PIGF: variants seen among roughly 807,000 people sequenced by gnomAD.
The protein encoded by PIGF is GPI ethanolamine phosphate transferase, stabilizing subunit.
A neutral mutation model predicts 26.0 loss-of-function variants in PIGF; 23 were observed. That is an observed-to-expected ratio of 0.88 (90% CI 0.64 to 1.25). The LOEUF (loss-of-function observed/expected upper bound fraction) is 1.25, where lower values mean the gene tolerates loss of function less well. Ranked by LOEUF, PIGF falls within the 50% of genes most tolerant of loss-of-function variation. The pLI is 0.00. For synonymous variants in PIGF, 93 were observed against 92.6 expected, an observed-to-expected ratio of 1.00 and a Z score of -0.03; for missense variants, 278 against 249.9, an observed-to-expected ratio of 1.11 and a Z score of -0.76.
intron 4 of PIGF, among the ~76,000 whole-genome samples, chr2:46,609,843 G>A (rs563389735): frequency 8.7e-4 from 132 of 152,150 alleles, no homozygotes; most frequent in African/African-American, 2.9e-3. Context: ...TAACAGCAAA[G>A]ACCACAGATC....
intron 4 of PIGF, among the ~76,000 whole-genome samples, chr2:46,598,528 GATTT>G (rs767432878): frequency 7.7e-4 from 71 of 92,582 alleles, no homozygotes; most frequent in Non-Finnish European, 1.1e-3. Context: ...AACATTATGA[GATTT>G]TTTTTTTTTT....
intron 5 of PIGF, 187 bp from the exon 6 acceptor site, chr2:46,581,778 A>G: frequency 1.3e-6 from 1 of 748,128 alleles, no homozygotes; most frequent in South Asian, 2.3e-5. Flanking sequence ...AATGTGCATT[A>G]AACTGTAACA....
intron 4 of PIGF, among the ~76,000 whole-genome samples, chr2:46,609,362 A>G (rs897024538): frequency 6.6e-6 from 1 of 152,200 alleles, no homozygotes; most frequent in African/African-American, 2.4e-5. Flanking sequence ...ACCTGGTTTG[A>G]TCTTTCATCC....
chr2:46,612,104 C>A, intron 4 of PIGF, 124 bp downstream of exon 4: 2 of 383,688 alleles, frequency 5.2e-6, no homozygotes, highest in Non-Finnish European at 4.7e-6. Context: ...CCCCTTAAGG[C>A]ATCTCTGAGC....
chr2:46,590,950 G>A (rs1215744662), intron 5 of PIGF, among the ~76,000 whole-genome samples: 1 of 152,140 alleles, frequency 6.6e-6, no homozygotes, highest in African/African-American at 2.4e-5. Flanking sequence ...AAAGAATAGA[G>A]CTAAATGTAG....
chr2:46,598,679 A>G (rs1026626118), intron 4 of PIGF, among the ~76,000 whole-genome samples: 3 of 151,990 alleles, frequency 2.0e-5, no homozygotes, highest in African/African-American at 7.3e-5. Context: ...GGCCATGGAG[A>G]GAAGAGTGGG....
intron 4 of PIGF, among the ~76,000 whole-genome samples, chr2:46,599,916 T>G (rs1456702972): frequency 6.6e-6 from 1 of 152,152 alleles, no homozygotes; most frequent in Non-Finnish European, 1.5e-5. Flanking sequence ...AGCCCCAATT[T>G]TCCCTGTCTT....
chr2:46,598,555 G>A (rs1282670851), intron 4 of PIGF, among the ~76,000 whole-genome samples: 1 of 43,500 alleles, frequency 2.3e-5, no homozygotes, highest in Non-Finnish European at 4.1e-5. Context: ...TTTTTTTTTA[G>A]CTCATCAGCT....
At chr2:46,586,040 C>T (rs1016844235) in intron 5 of PIGF, among the ~76,000 whole-genome samples, 7 of 152,158 alleles carry the variant, frequency 4.6e-5, no homozygotes, top group African/African-American at 1.7e-4. Context: ...TCCCAAAGTG[C>T]TGGGATTACA....
At chr2:46,616,910 T>G in intron 1 of PIGF, 60 bp downstream of exon 1, 2 of 393,684 alleles carry the variant, frequency 5.1e-6, no homozygotes, top group Non-Finnish European at 4.7e-6. Flanking sequence ...GCTTCGGCAA[T>G]TCGCGGGGGT....
intron 3 of PIGF, among the ~76,000 whole-genome samples, chr2:46,612,746 T>C (rs1395376478): frequency 1.3e-5 from 2 of 152,162 alleles, no homozygotes; most frequent in Non-Finnish European, 2.9e-5. Flanking sequence ...TTGTAGTGGT[T>C]CTCTACAACT....
chr2:46,603,837 C>T (rs925986142), intron 4 of PIGF, among the ~76,000 whole-genome samples: 2 of 151,876 alleles, frequency 1.3e-5, no homozygotes, highest in Non-Finnish European at 2.9e-5. Flanking sequence ...CACAGGCAAC[C>T]AAAGCATAAA....
At chr2:46,612,900 G>A (rs1276804809) in intron 3 of PIGF, among the ~76,000 whole-genome samples, 1 of 152,104 alleles carries the variant, frequency 6.6e-6, no homozygotes, top group East Asian at 1.9e-4. Flanking sequence ...ACCACATTTT[G>A]AGAACCACTG....
intron 4 of PIGF, among the ~76,000 whole-genome samples, chr2:46,610,665 G>T (rs1281375118): frequency 6.6e-6 from 1 of 151,766 alleles, no homozygotes; most frequent in Non-Finnish European, 1.5e-5. Context: ...AAGTAGCTGG[G>T]ACTACAGGCA....
chr2:46,584,276 C>G (rs934659931), intron 5 of PIGF, among the ~76,000 whole-genome samples: 1 of 151,976 alleles, frequency 6.6e-6, no homozygotes, highest in African/African-American at 2.4e-5. Flanking sequence ...ATTTATTACC[C>G]TATGTAAACA....
At chr2:46,591,749 C>T in intron 5 of PIGF, 6 of 1,172,768 alleles carry the variant, frequency 5.1e-6, no homozygotes, top group Non-Finnish European at 6.5e-6. Context: ...ATGTTACATA[C>T]CCTCTAGGTG....
At chr2:46,613,884 TA>T in intron 2 of PIGF, 99 bp from the exon 3 acceptor site, 5 of 1,012,180 alleles carry the variant, frequency 4.9e-6, no homozygotes, top group Non-Finnish European at 7.3e-6. Flanking sequence ...CCATAATGTG[TA>T]AAACAGTTCA....
rs534062774 is a variant in PIGF at position 46,604,339 on chromosome 2, C to G, written c.437+7889G>C. 8.4e-4 allele frequency among the ~76,000 whole-genome samples: 128 copies of G among 152,104 alleles called. 4 individuals carry two copies. The South Asian group carries it at 0.026, about 31-fold the overall frequency. Reference sequence around the variant, plus strand: ...AAAACAGATCTACCATATGATCCAGCAATCACATTGCTAGGTATATACCCA... The same window carrying G: ...AAAACAGATCTACCATATGATCCAGGAATCACATTGCTAGGTATATACCCA... On this transcript the variant is annotated intron_variant, in intron 4 of 5. Transcript: ENST00000281382.
At position 46,614,967 on chromosome 2, in the gene PIGF, T is replaced by A; in HGVS notation, c.198A>T (p.Thr66=). The change falls in exon 2 of 6, where the codon ACA becomes ACT. Residue 66 remains threonine (T), a synonymous_variant. Coordinates refer to ENST00000281382, the MANE Select transcript of PIGF (RefSeq NM_002643.4). ...GTGATAATGAACTTCTTTTAGAGGATGTATTTGGTTTCACTACTAAATATA... is the reference window on the plus strand; with the variant it reads ...GTGATAATGAACTTCTTTTAGAGGAAGTATTTGGTTTCACTACTAAATATA... ...LVLYLVVKPN[T]SSKRSSLSHK... is the part of the protein sequence containing the mutation. The A allele has an allele frequency of 6.3e-7, 1 of 1,575,614 alleles. No individual in the cohort carries two copies. Among genetic ancestry groups the A allele is most frequent in the Non-Finnish European group, 8.7e-7 (1 of 1,144,950 alleles).
Sources: gnomAD v4.1 joint callset for allele counts (sites outside exome capture counted in the v4.1 genomes callset) on GRCh38, gnomAD v4.1.1 for gene constraint, MANE v1.5 for transcripts, NCBI Gene and HGNC (gene_info 2026-07-23, HGNC 2026-07-21) for gene names.